ZFPM2: variants seen among roughly 807,000 people sequenced by gnomAD.
The protein encoded by ZFPM2 is zinc finger protein ZFPM2.
In ZFPM2, 20 loss-of-function variants were observed where a neutral mutation model predicts 98.6. The observed-to-expected ratio is 0.20, with a 90% confidence interval of 0.14 to 0.29. The LOEUF (loss-of-function observed/expected upper bound fraction) is 0.29, where lower values mean the gene tolerates loss of function less well. ZFPM2 is among the 10% of genes least tolerant of loss of function. The pLI, the probability that ZFPM2 is intolerant of heterozygous loss-of-function variation, is 1.00. For synonymous variants in ZFPM2, 518 were observed against 502.7 expected (o/e 1.03, Z -0.41); for missense variants, 1,310 against 1,388.6 (o/e 0.94, Z 0.90).
At chr8:105,568,675 G>T (rs1451797625) in intron 4 of ZFPM2, among the ~76,000 whole-genome samples, 2 of 152,032 alleles carry the variant, frequency 1.3e-5, no homozygotes, top group East Asian at 1.9e-4. Flanking sequence ...GTTCTCTCTT[G>T]TCATCTTTTT....
Position 105,318,624 on chromosome 8 carries a change from TTC to T in ZFPM2, c.-314_-313del, listed in dbSNP as rs1282011686. 3 of 150,960 alleles carry T rather than the reference TTC, an allele frequency of 2.0e-5. No individual in the cohort carries two copies. The highest frequency in any genetic ancestry group is 1.3e-4 in the Admixed American group (2 of 15,132). The allele number at this position is 150,960 out of a possible 1,614,324, so 9.4% of individuals were successfully genotyped here. The stretch of plus-strand genomic sequence containing the variant: ...TCCTTCTTTCCGTGTTATTTTTCTC[TTC>T]TCTTTCCCCTTTTCTCTCTCCCTGA... On this transcript the variant is annotated 5_prime_UTR_variant, in exon 1 of 8. Coordinates refer to ENST00000407775, the MANE Select transcript of ZFPM2 (RefSeq NM_012082.4).
chr8:105,686,651 C>T (rs917563482), intron 5 of ZFPM2, among the ~76,000 whole-genome samples: 1 of 152,096 alleles, frequency 6.6e-6, no homozygotes, highest in African/African-American at 2.4e-5. Flanking sequence ...GTATAGTACT[C>T]TATAGCACAA....
At chr8:105,644,304 A>G (rs892120290) in intron 5 of ZFPM2, among the ~76,000 whole-genome samples, 12 of 150,372 alleles carry the variant, frequency 8.0e-5, no homozygotes, top group Admixed American at 5.9e-4. Context: ...TTTTAAAAAA[A>G]AAACAGGGTT....
intron 1 of ZFPM2, among the ~76,000 whole-genome samples, chr8:105,332,939 A>G (rs991450671): frequency 6.6e-6 from 1 of 151,760 alleles, no homozygotes; most frequent in Non-Finnish European, 1.5e-5. Flanking sequence ...CCAAACTTTT[A>G]AAGGGCTTTG....
At chr8:105,734,456 G>A (rs1812021517) in intron 5 of ZFPM2, among the ~76,000 whole-genome samples, 1 of 151,948 alleles carries the variant, frequency 6.6e-6, no homozygotes, top group South Asian at 2.1e-4. Flanking sequence ...TGTATGAAAT[G>A]TATGTTGTAA....
chr8:105,330,617 T>TATATATATACACAC (rs1812210777), intron 1 of ZFPM2, among the ~76,000 whole-genome samples: 1 of 58,870 alleles, frequency 1.7e-5, no homozygotes, highest in African/African-American at 1.0e-4. Context: ...TATACACATA[T>TATATATATACACAC]ATATATATAT....
intron 3 of ZFPM2, among the ~76,000 whole-genome samples, chr8:105,489,467 T>TATATATATATATATATA (rs372429625): frequency 1.1e-5 from 1 of 88,036 alleles, no homozygotes; most frequent in African/African-American, 5.4e-5. Flanking sequence ...TATATATATA[T>TATATATATATATATATA]TTTTTTTTTT....
At chr8:105,333,689 AG>A (rs1380553179) in intron 1 of ZFPM2, among the ~76,000 whole-genome samples, 1 of 151,692 alleles carries the variant, frequency 6.6e-6, no homozygotes, top group Non-Finnish European at 1.5e-5. Context: ...GTCCATTAAT[AG>A]GGGATGGGTT....
intron 1 of ZFPM2, among the ~76,000 whole-genome samples, chr8:105,372,119 T>C (rs2129819898): frequency 6.6e-6 from 1 of 152,118 alleles, no homozygotes; most frequent in African/African-American, 2.4e-5. Context: ...CTCGGCTCAC[T>C]GCAAGCTCTG....
chr8:105,379,398 T>G (rs1810796524), intron 1 of ZFPM2, among the ~76,000 whole-genome samples: 1 of 152,196 alleles, frequency 6.6e-6, no homozygotes, highest in African/African-American at 2.4e-5. Context: ...GCTTGTGGAC[T>G]TGAGAGGAAA....
chr8:105,552,902 C>T (rs1239728337), intron 3 of ZFPM2, among the ~76,000 whole-genome samples: 7 of 151,050 alleles, frequency 4.6e-5, no homozygotes, highest in Admixed American at 2.6e-4. Context: ...TGATCCCCCC[C>T]GGGCTCAAGC....
chr8:105,740,190 G>C (rs1056700210), intron 5 of ZFPM2, among the ~76,000 whole-genome samples: 1 of 151,918 alleles, frequency 6.6e-6, no homozygotes, highest in African/African-American at 2.4e-5. Flanking sequence ...CTACAGGTCT[G>C]TTCTATCAGA....
chr8:105,338,109 AC>A (rs1812360932), intron 1 of ZFPM2, among the ~76,000 whole-genome samples: 1 of 151,752 alleles, frequency 6.6e-6, no homozygotes, highest in South Asian at 2.1e-4. Context: ...TTGTATAGCA[AC>A]CTAAAGGTTT....
rs1285149256 is a variant in ZFPM2, at chr8:105,801,866, T to G, written c.1784T>G (p.Leu595Trp). 8.7e-6 allele frequency: 14 copies of G among 1,613,850 alleles called. No individual in the cohort carries two copies. The highest frequency in any genetic ancestry group is 1.2e-5 in the Non-Finnish European group (14 of 1,179,874). Residue 595 changes from leucine (L) to tryptophan (W), a missense_variant, in exon 8 of 8, where the codon TTG becomes TGG. Leu to Trp is a moderately conservative substitution (Grantham distance 61). Coordinates refer to ENST00000407775, the MANE Select transcript of ZFPM2 (RefSeq NM_012082.4). ...GTGTCAGAAAAGATGCCTGAAGCTT[T>G]GAGTCCCAACACTGGCCAAACCTCC... Reference protein sequence around the residue: ...PSVSEKMPEALSPNTGQTSIN... With the variant: ...PSVSEKMPEAWSPNTGQTSIN...
chr8:105,503,884 G>A (rs888655014), intron 3 of ZFPM2, among the ~76,000 whole-genome samples: 2 of 152,132 alleles, frequency 1.3e-5, no homozygotes, highest in Admixed American at 6.5e-5. Context: ...TGATTCCTTG[G>A]CTTGCAGTAG....
At chr8:105,433,983 G>T (rs1812070651) in intron 2 of ZFPM2, among the ~76,000 whole-genome samples, 1 of 152,072 alleles carries the variant, frequency 6.6e-6, no homozygotes, top group Non-Finnish European at 1.5e-5. Context: ...ATAATATTTT[G>T]TCAGATAGGA....
At chr8:105,730,227 T>C (rs1811898968) in intron 5 of ZFPM2, among the ~76,000 whole-genome samples, 1 of 151,710 alleles carries the variant, frequency 6.6e-6, no homozygotes, top group Non-Finnish European at 1.5e-5. Flanking sequence ...TAGGAGAACA[T>C]GCAGTGTCCA....
chr8:105,522,624 G>A (rs781261754), intron 3 of ZFPM2, among the ~76,000 whole-genome samples: 1 of 152,082 alleles, frequency 6.6e-6, no homozygotes, highest in African/African-American at 2.4e-5. Flanking sequence ...ACAAAAATTA[G>A]CTGGGCATGG....
At chr8:105,747,172 G>A (rs1048792888) in intron 5 of ZFPM2, among the ~76,000 whole-genome samples, 1 of 151,938 alleles carries the variant, frequency 6.6e-6, no homozygotes, top group African/African-American at 2.4e-5. Flanking sequence ...AATGAAGAAG[G>A]CATTTCCTTA....
Sources: allele counts gnomAD v4.1 joint callset (sites outside exome capture counted in the v4.1 genomes callset), GRCh38; gene constraint gnomAD v4.1.1; transcripts MANE v1.5; gene names NCBI Gene and HGNC (gene_info 2026-07-23, HGNC 2026-07-21).